CREBBP: variants seen among roughly 807,000 people sequenced by gnomAD.
CREBBP encodes CREB binding lysine acetyltransferase, also known as CREB-binding protein.
A neutral mutation model predicts 265.0 loss-of-function variants in CREBBP; 19 were observed. That is an observed-to-expected ratio of 0.07 (90% CI 0.05 to 0.11). CREBBP has a LOEUF of 0.11. Among genes scored for constraint, CREBBP ranks in the 10% least tolerant of loss-of-function variants. The pLI is 1.00. For synonymous variants in CREBBP, 1,457 were observed against 1,223.7 expected, an observed-to-expected ratio of 1.19 and a Z score of -3.98; for missense variants, 2,525 against 3,219.0, an observed-to-expected ratio of 0.78 and a Z score of 5.22.
chr16:3,783,401 G>C (rs1596922451), intron 5 of CREBBP, among the ~76,000 whole-genome samples: 2 of 152,220 alleles, frequency 1.3e-5, no homozygotes, highest in East Asian at 3.8e-4. Context: ...AGAAGGAGCA[G>C]AGATGATACC....
intron 3 of CREBBP, among the ~76,000 whole-genome samples, chr16:3,799,611 T>TA (rs1321112577): frequency 9.9e-5 from 15 of 152,260 alleles, no homozygotes; most frequent in African/African-American, 3.6e-4. Context: ...TGTGCAAAGA[T>TA]AATGCATCAC....
intron 5 of CREBBP, chr16:3,784,325 A>G (rs754997095): frequency 1.3e-5 from 2 of 152,230 alleles, no homozygotes; most frequent in Non-Finnish European, 2.9e-5. Context: ...TGATATTCAG[A>G]TCAACTCATT....
At chr16:3,778,584 G>C (rs8052927) in intron 9 of CREBBP, 116 bp downstream of exon 9, 1 of 905,402 alleles carries the variant, frequency 1.1e-6, no homozygotes, top group East Asian at 2.4e-5. Context: ...GGCCTCAAGG[G>C]GAGGAGTCTG....
In CREBBP at chr16:3,729,227, G is replaced by A. The variant is rs1393039481; in HGVS notation, c.5820C>T (p.Ser1940=). The change falls in exon 31 of 31, where the codon AGC becomes AGT. Residue 1940 remains serine (S), a synonymous_variant. Transcript: ENST00000262367. ...PTTVSTGKPT[S]QVPAPPPPAQ... is the part of the protein sequence containing the mutation. ...CCGGGGGTGGGGGGGCCGGCACCTG[G>A]CTGGTAGGCTTCCCTGTGGACACCG... 6.5e-7 allele frequency: 1 copy of A among 1,529,650 alleles called. No homozygotes were observed. Among genetic ancestry groups the A allele is most frequent in the Non-Finnish European group, 8.7e-7 (1 of 1,143,880 alleles). The allele number at this position is 1,529,650 out of a possible 1,614,324, so 94.8% of individuals were successfully genotyped here. A position where few individuals can be genotyped will look rare whatever the true frequency, so the allele number is the denominator to read the frequency against.
intron 2 of CREBBP, among the ~76,000 whole-genome samples, chr16:3,833,156 T>C (rs1032687708): frequency 6.6e-6 from 1 of 152,230 alleles, no homozygotes; most frequent in Non-Finnish European, 1.5e-5. Flanking sequence ...CTCACACCTA[T>C]AATCCCAGCA....
chr16:3,850,663 G>A lies in CREBBP; in HGVS notation c.432C>T (p.Thr144=), dbSNP rs1216284527. The part of the protein sequence containing the change: ...PKQAASTSGP[T]PAASQALNPQ... ...GATTCAGTGCTTGGGAGGCAGCGGGGGTGGGCCCAGAGGTGCTGGCTGCCT... is the reference window on the plus strand; with the variant it reads ...GATTCAGTGCTTGGGAGGCAGCGGGAGTGGGCCCAGAGGTGCTGGCTGCCT... The change falls in exon 2 of 31, where the codon ACC becomes ACT. Residue 144 remains threonine, a synonymous_variant. Transcript: ENST00000262367. 1.2e-6 allele frequency: 2 copies of A among 1,614,194 alleles called. No individual in the cohort carries two copies. Among genetic ancestry groups the A allele is most frequent in the Non-Finnish European group, 1.7e-6 (2 of 1,180,036 alleles).
In CREBBP at chr16:3,726,144, G is replaced by A. The variant is rs761967972; in HGVS notation, c.*1574C>T. The A allele has an allele frequency of 4.3e-6, 1 of 232,450 alleles. No individual in the cohort carries two copies. The highest frequency in any genetic ancestry group is 8.5e-6 in the Non-Finnish European group (1 of 117,772). The allele number at this position is 232,450 out of a possible 1,614,324, so 14.4% of individuals were successfully genotyped here. ...CAGCATTTCCTCAAACGCCACACGG[G>A]ACATGCTGCGCGGCAGCGGCAGGAT... On this transcript the variant is annotated 3_prime_UTR_variant, in exon 31 of 31. Transcript: ENST00000262367.
intron 24 of CREBBP, 126 bp from the exon 25 acceptor site, chr16:3,739,850 C>A (rs564371548): frequency 1.5e-6 from 2 of 1,373,022 alleles, no homozygotes; most frequent in Admixed American, 1.8e-5. Flanking sequence ...CTCCTCAGAC[C>A]GTGGCCTGGA....
At chr16:3,780,986 G>C in intron 7 of CREBBP, 108 bp from the exon 8 acceptor site, 3 of 1,272,424 alleles carry the variant, frequency 2.4e-6, no homozygotes, top group Non-Finnish European at 3.4e-6. Context: ...GTTTAAGTCA[G>C]GAGAGCCAAG....
intron 2 of CREBBP, among the ~76,000 whole-genome samples, chr16:3,839,002 T>C (rs2054511800): frequency 6.6e-6 from 1 of 152,248 alleles, no homozygotes; most frequent in Non-Finnish European, 1.5e-5. Context: ...TCAGTAAACC[T>C]ATGCATATAC....
At position 3,778,190 on chromosome 16, in the gene CREBBP, G is replaced by C. The variant is rs979170837; in HGVS notation, c.1942-8C>G. 1.1e-5 allele frequency: 17 copies of C among 1,584,718 alleles called. No individual in the cohort carries two copies. Among genetic ancestry groups the C allele is most frequent in the South Asian group, 2.2e-5 (2 of 90,456 alleles). On this transcript the variant is annotated splice_polypyrimidine_tract_variant and splice_region_variant and intron_variant, in intron 9 of 30. Transcript: ENST00000262367. Reference sequence around the variant, plus strand: ...TAAGTGATAATATTCATCCTAAAAAGCAATAATATTCAATATGAAACAGTT... The same window carrying C: ...TAAGTGATAATATTCATCCTAAAAACCAATAATATTCAATATGAAACAGTT...
At chr16:3,802,932 T>G (rs1318864671) in intron 3 of CREBBP, among the ~76,000 whole-genome samples, 1 of 152,094 alleles carries the variant, frequency 6.6e-6, no homozygotes. Flanking sequence ...GGGCTGGCTC[T>G]GCAATAACCA....
chr16:3,778,642 T>G, intron 9 of CREBBP, 58 bp downstream of exon 9: 3 of 1,297,246 alleles, frequency 2.3e-6, no homozygotes, highest in Non-Finnish European at 3.4e-6. Context: ...AGCAGACAAA[T>G]GTAGTGCTGT....
intron 2 of CREBBP, among the ~76,000 whole-genome samples, chr16:3,829,933 A>G (rs1039768852): frequency 6.6e-6 from 1 of 152,236 alleles, no homozygotes; most frequent in African/African-American, 2.4e-5. Context: ...AAAAGGAACA[A>G]AACACAGAAG....
intron 3 of CREBBP, among the ~76,000 whole-genome samples, chr16:3,801,348 A>C (rs2053708760): frequency 6.6e-6 from 1 of 152,226 alleles, no homozygotes; most frequent in Admixed American, 6.5e-5. Context: ...TGCTCATCAA[A>C]GTAAGATGAC....
rs552397533 is a variant in CREBBP at position 3,770,502 on chromosome 16, A to G, written c.2880+68T>C. On this transcript the variant is annotated intron_variant, in intron 14 of 30. Coordinates refer to ENST00000262367, the MANE Select transcript of CREBBP (RefSeq NM_004380.3). ...TGAACCACCGCGCCTGGCCTGACAC[A>G]CAATTTTTATGGGAAAATTATCTTC... 28 of 1,575,936 alleles carry G rather than the reference A, an allele frequency of 1.8e-5. No homozygotes were observed. In the East Asian group the frequency reaches 6.3e-4, roughly 35 times the overall value.
intron 1 of CREBBP, among the ~76,000 whole-genome samples, chr16:3,865,083 A>C (rs1483902637): frequency 6.6e-6 from 1 of 152,216 alleles, no homozygotes; most frequent in Non-Finnish European, 1.5e-5. Flanking sequence ...TATCTGCAAC[A>C]CATCTAGCAA....
At chr16:3,850,252 C>T (rs2054800149) in intron 2 of CREBBP, 45 bp downstream of exon 2, 2 of 1,605,412 alleles carry the variant, frequency 1.2e-6, no homozygotes, top group Non-Finnish European at 1.7e-6. Flanking sequence ...GGAGGGAAAG[C>T]CCGCGGTTAG....
chr16:3,751,370 G>A (rs1053387187), intron 20 of CREBBP, among the ~76,000 whole-genome samples: 1 of 152,178 alleles, frequency 6.6e-6, no homozygotes, highest in African/African-American at 2.4e-5. Context: ...GGTGGATTGT[G>A]CTTCAGTCTA....
Sources: allele counts gnomAD v4.1 joint callset (sites outside exome capture counted in the v4.1 genomes callset), GRCh38; gene constraint gnomAD v4.1.1; transcripts MANE v1.5; gene names NCBI Gene and HGNC (gene_info 2026-07-23, HGNC 2026-07-21).